RBFOX1: variants seen among roughly 807,000 people sequenced by gnomAD.
RBFOX1 encodes RNA binding protein fox-1 homolog 1.
A neutral mutation model predicts 57.7 loss-of-function variants in RBFOX1; 8 were observed. That is an observed-to-expected ratio of 0.14 (90% CI 0.08 to 0.25). The LOEUF is 0.25. RBFOX1 is among the 10% of genes least tolerant of loss of function. The probability of loss-of-function intolerance (pLI) is 1.00; values close to 1 mark genes in which losing one functional copy is unlikely to be tolerated. For synonymous variants in RBFOX1, 326 were observed against 222.4 expected (o/e 1.47, Z -4.15); for missense variants, 611 against 548.5 (o/e 1.11, Z -1.14).
chr16:7,166,812 A>G (rs1446840305), intron 4 of RBFOX1, among the ~76,000 whole-genome samples: 2 of 151,934 alleles, frequency 1.3e-5, no homozygotes, highest in Non-Finnish European at 1.5e-5. Context: ...GCTCCAACCC[A>G]TGCGGCATCT....
intron 1 of RBFOX1, among the ~76,000 whole-genome samples, chr16:6,305,044 CTG>C (rs1217123970): frequency 6.6e-6 from 1 of 152,032 alleles, no homozygotes; most frequent in Non-Finnish European, 1.5e-5. Context: ...GAGGAGCTTC[CTG>C]TGTGTGTGTG....
At chr16:5,323,516 C>T (rs764954945) in intron 1 of RBFOX1, among the ~76,000 whole-genome samples, 1 of 152,242 alleles carries the variant, frequency 6.6e-6, no homozygotes, top group Admixed American at 6.5e-5. Context: ...GCCTCATTGT[C>T]TCTGCCCCAC....
chr16:5,895,786 CAG>C (rs1473493369), intron 4 of RBFOX1, among the ~76,000 whole-genome samples: 2 of 152,174 alleles, frequency 1.3e-5, no homozygotes, highest in Non-Finnish European at 2.9e-5. Context: ...GTGCCTAGAA[CAG>C]AGACATTTAA....
intron 3 of RBFOX1, among the ~76,000 whole-genome samples, chr16:5,787,523 C>G (rs2054544266): frequency 6.6e-6 from 1 of 152,190 alleles, no homozygotes; most frequent in Admixed American, 6.5e-5. Flanking sequence ...ACCCCATACT[C>G]AAGGACAGTA....
In RBFOX1 at chr16:6,999,648, C is replaced by A. The variant is rs189282387; in HGVS notation, c.-15-52409C>A. 1.5e-4 allele frequency among the ~76,000 whole-genome samples: 23 copies of A among 152,046 alleles called. No individual in the cohort carries two copies. The East Asian group carries it at 4.1e-3, about 27-fold the overall frequency. On this transcript the variant is annotated intron_variant, in intron 3 of 15. Transcript: ENST00000550418. ...TGTTTTGTGCTTTAATCTTCTTCTC[C>A]CTTCCCCATCAATATTTTGAAGCAA...
chr16:6,287,400 T>C (rs1022582248), intron 1 of RBFOX1, among the ~76,000 whole-genome samples: 3 of 152,142 alleles, frequency 2.0e-5, no homozygotes, highest in East Asian at 3.9e-4. Flanking sequence ...TTATCATTGG[T>C]GTTTGCCAAT....
chr16:5,727,123 T>G (rs191572562), intron 3 of RBFOX1, among the ~76,000 whole-genome samples: 1 of 152,162 alleles, frequency 6.6e-6, no homozygotes, highest in East Asian at 1.9e-4. Flanking sequence ...AAAAATTAGC[T>G]GGGTGTTCTT....
intron 1 of RBFOX1, chr16:6,056,884 A>T (rs1313022441): frequency 2.7e-5 from 4 of 150,444 alleles, no homozygotes; most frequent in African/African-American, 9.8e-5. Context: ...TGAGCTGCAT[A>T]CAGAAAGAAC....
intron 1 of RBFOX1, among the ~76,000 whole-genome samples, chr16:6,027,100 T>C (rs1452151471): frequency 6.6e-6 from 1 of 152,200 alleles, no homozygotes; most frequent in African/African-American, 2.4e-5. Flanking sequence ...AATTTTAGAA[T>C]ATAGAGTGTC....
At chr16:5,653,657 C>G (rs373667313) in intron 3 of RBFOX1, among the ~76,000 whole-genome samples, 16 of 152,312 alleles carry the variant, frequency 1.1e-4, no homozygotes, top group Admixed American at 5.2e-4. Context: ...AGCTGCCGCT[C>G]TCTTTGAAAT....
intron 1 of RBFOX1, among the ~76,000 whole-genome samples, chr16:6,080,880 A>G (rs552173628): frequency 2.0e-5 from 3 of 152,268 alleles, no homozygotes; most frequent in Non-Finnish European, 4.4e-5. Flanking sequence ...TTTAATATCA[A>G]TCTATTAATT....
intron 1 of RBFOX1, among the ~76,000 whole-genome samples, chr16:5,422,435 TATGATGGAGAGGGAAC>T (rs2067363857): frequency 4.4e-5 from 2 of 45,176 alleles, no homozygotes; most frequent in African/African-American, 9.2e-5. Flanking sequence ...GGAGAGGGAG[TATGATGGAGAGGGAAC>T]ATGAGGGAGA....
intron 5 of RBFOX1, among the ~76,000 whole-genome samples, chr16:7,575,422 C>T (rs1477755410): frequency 4.6e-5 from 7 of 151,840 alleles, no homozygotes; most frequent in Admixed American, 6.6e-5. Flanking sequence ...TGTAAGCCAC[C>T]GCACCCGACC....
At chr16:7,102,443 A>G (rs2062852376) in intron 4 of RBFOX1, among the ~76,000 whole-genome samples, 1 of 152,198 alleles carries the variant, frequency 6.6e-6, no homozygotes, top group Admixed American at 6.6e-5. Context: ...GGATTTAAAG[A>G]AAGAATAAAA....
chr16:5,710,191 G>T (rs1287197188), intron 3 of RBFOX1, among the ~76,000 whole-genome samples: 1 of 152,078 alleles, frequency 6.6e-6, no homozygotes, highest in Non-Finnish European at 1.5e-5. Flanking sequence ...TTATATGACA[G>T]TGGATAGGGT....
At chr16:7,238,131 G>A (rs753633096) in intron 4 of RBFOX1, among the ~76,000 whole-genome samples, 69 of 152,188 alleles carry the variant, frequency 4.5e-4, no homozygotes, top group Non-Finnish European at 9.4e-4. Context: ...GGTGCCCATA[G>A]TTGTCAAATT....
chr16:5,422,109 C>T (rs1033589937), intron 1 of RBFOX1, among the ~76,000 whole-genome samples: 1 of 151,804 alleles, frequency 6.6e-6, no homozygotes, highest in African/African-American at 2.4e-5. Context: ...CTAGCCCATG[C>T]GAATAAAAGT....
intron 3 of RBFOX1, among the ~76,000 whole-genome samples, chr16:5,851,058 C>A (rs925290076): frequency 6.6e-6 from 1 of 152,190 alleles, no homozygotes; most frequent in African/African-American, 2.4e-5. Flanking sequence ...ACCCCCCAAA[C>A]GCACTTCCCC....
intron 1 of RBFOX1, among the ~76,000 whole-genome samples, chr16:5,402,797 C>G (rs1286164607): frequency 6.6e-6 from 1 of 152,136 alleles, no homozygotes; most frequent in Non-Finnish European, 1.5e-5. Context: ...CCTCTGTTTC[C>G]TCTTCCCTCT....
Sources: gnomAD v4.1 joint callset for allele counts (sites outside exome capture counted in the v4.1 genomes callset) on GRCh38, gnomAD v4.1.1 for gene constraint, MANE v1.5 for transcripts, NCBI Gene and HGNC (gene_info 2026-07-23, HGNC 2026-07-21) for gene names.